SCAI: variants seen among roughly 807,000 people sequenced by gnomAD.
The protein encoded by SCAI is suppressor of cancer cell invasion, also known as protein SCAI.
SCAI carries 24 observed loss-of-function variants against 92.2 expected under a neutral mutation model. The ratio of observed to expected loss-of-function variants is 0.26; its 90% CI spans 0.19 to 0.37. SCAI has a LOEUF of 0.37. Among genes scored for constraint, SCAI ranks in the 10% least tolerant of loss-of-function variants. The pLI is 1.00. For missense variants in SCAI, 450 were observed against 736.2 expected (o/e 0.61, Z 4.50); for synonymous variants, 261 against 258.6 (o/e 1.01, Z -0.09).
intron 17 of SCAI, among the ~76,000 whole-genome samples, chr9:124,960,013 T>C (rs1157154685): frequency 6.6e-6 from 1 of 152,196 alleles, no homozygotes; most frequent in Non-Finnish European, 1.5e-5. Flanking sequence ...CATGTGTCTT[T>C]ATAGCAGCAT....
intron 9 of SCAI, 122 bp from the exon 10 acceptor site, chr9:125,003,692 T>C (rs1157975415): frequency 1.9e-5 from 12 of 638,684 alleles, no homozygotes; most frequent in Non-Finnish European, 3.3e-5. Flanking sequence ...TACCTTTTTC[T>C]CTAATATTTC....
At chr9:125,030,036 T>G (rs1354159317) in intron 3 of SCAI, among the ~76,000 whole-genome samples, 1 of 152,210 alleles carries the variant, frequency 6.6e-6, no homozygotes, top group African/African-American at 2.4e-5. Flanking sequence ...TCACACTCAC[T>G]TATATACTGA....
intron 3 of SCAI, among the ~76,000 whole-genome samples, chr9:125,042,122 A>G (rs1833327532): frequency 6.6e-6 from 1 of 152,206 alleles, no homozygotes; most frequent in East Asian, 1.9e-4. Flanking sequence ...TTACCCCATA[A>G]TTTAAGTGAC....
intron 2 of SCAI, among the ~76,000 whole-genome samples, chr9:125,086,695 A>G (rs923685008): frequency 6.6e-6 from 1 of 152,220 alleles, no homozygotes; most frequent in African/African-American, 2.4e-5. Context: ...GCAGACAGAT[A>G]TATTTGGGAC....
In SCAI at chr9:125,038,609, C is replaced by G. The variant is rs143390875; in HGVS notation, c.231-8870G>C. The stretch of plus-strand genomic sequence containing the variant: ...CTTTACTTTTTCCATTACAACTTTT[C>G]TGAATTCTCCATCAAAAATATTGGT... On this transcript the variant is annotated intron_variant, in intron 3 of 17. Transcript: ENST00000336505. Among the ~76,000 whole-genome samples the G allele has an allele frequency of 8.1e-4, 123 of 152,316 alleles. No individual in the cohort carries two copies. The East Asian group carries it at 0.014, about 18-fold the overall frequency.
At chr9:124,958,007 C>T (rs947997571) in intron 17 of SCAI, among the ~76,000 whole-genome samples, 28 of 152,216 alleles carry the variant, frequency 1.8e-4, no homozygotes, top group African/African-American at 6.3e-4. Context: ...TTAAAGCATA[C>T]TGGAACATAA....
At chr9:124,965,064 A>T (rs1442433416) in intron 17 of SCAI, among the ~76,000 whole-genome samples, 1 of 151,030 alleles carries the variant, frequency 6.6e-6, no homozygotes, top group Non-Finnish European at 1.5e-5. Context: ...CTTGGTTGGC[A>T]GAAGCTGCTT....
At chr9:125,135,408 T>G (rs767899292) in intron 2 of SCAI, among the ~76,000 whole-genome samples, 1 of 152,198 alleles carries the variant, frequency 6.6e-6, no homozygotes, top group Non-Finnish European at 1.5e-5. Flanking sequence ...TCCCAGCACT[T>G]TGGGAGGCCA....
intron 6 of SCAI, among the ~76,000 whole-genome samples, chr9:125,025,516 TTA>T (rs1436797438): frequency 6.6e-6 from 1 of 152,238 alleles, no homozygotes; most frequent in Admixed American, 6.5e-5. Context: ...CGATAAAATG[TTA>T]TACAGCTCTT....
At chr9:125,103,415 T>G (rs1051315536) in intron 2 of SCAI, among the ~76,000 whole-genome samples, 2 of 152,144 alleles carry the variant, frequency 1.3e-5, no homozygotes, top group Non-Finnish European at 2.9e-5. Flanking sequence ...AATTAAGATT[T>G]TTAATAGTGA....
intron 2 of SCAI, among the ~76,000 whole-genome samples, chr9:125,085,317 T>C (rs1355792148): frequency 6.6e-6 from 1 of 151,800 alleles, no homozygotes; most frequent in Non-Finnish European, 1.5e-5. Flanking sequence ...TGAAACCCCA[T>C]CTCAACTAAA....
At chr9:124,992,668 G>A (rs1366831442) in intron 14 of SCAI, among the ~76,000 whole-genome samples, 1 of 152,166 alleles carries the variant, frequency 6.6e-6, no homozygotes, top group Non-Finnish European at 1.5e-5. Flanking sequence ...ACAGGCATGA[G>A]CCACTGCACG....
At chr9:125,099,537 C>T (rs537525315) in intron 2 of SCAI, among the ~76,000 whole-genome samples, 6 of 152,332 alleles carry the variant, frequency 3.9e-5, no homozygotes, top group African/African-American at 1.2e-4. Context: ...CCGCCTCAGC[C>T]TCCCAAAGTG....
intron 3 of SCAI, among the ~76,000 whole-genome samples, chr9:125,055,138 T>C (rs910213359): frequency 2.0e-5 from 3 of 152,210 alleles, no homozygotes; most frequent in African/African-American, 4.8e-5. Flanking sequence ...AAAGATTTCA[T>C]TTTTATCCAT....
chr9:124,986,480 A>G (rs1451327746), intron 14 of SCAI, among the ~76,000 whole-genome samples: 5 of 152,242 alleles, frequency 3.3e-5, no homozygotes, highest in Admixed American at 3.3e-4. Flanking sequence ...TCTCAACCAA[A>G]GAAACAAAAT....
intron 3 of SCAI, among the ~76,000 whole-genome samples, chr9:125,050,410 T>C (rs1833537398): frequency 6.6e-6 from 1 of 152,056 alleles, no homozygotes; most frequent in Admixed American, 6.5e-5. Context: ...TTAACAAAAC[T>C]CAAAGATCTT....
chr9:125,011,883 T>G (rs1293646148), intron 9 of SCAI, among the ~76,000 whole-genome samples: 1 of 152,184 alleles, frequency 6.6e-6, no homozygotes, highest in Non-Finnish European at 1.5e-5. Context: ...TATTCAACAT[T>G]CTTAAAGAAA....
At chr9:125,099,288 C>CT (rs1016275871) in intron 2 of SCAI, among the ~76,000 whole-genome samples, 196 of 143,602 alleles carry the variant, frequency 1.4e-3, no homozygotes, top group South Asian at 2.7e-3. Context: ...CACTTTTTAT[C>CT]TTTTTTTTTT....
At chr9:124,957,356 A>T (rs1490435072) in intron 17 of SCAI, among the ~76,000 whole-genome samples, 5 of 152,040 alleles carry the variant, frequency 3.3e-5, no homozygotes, top group Non-Finnish European at 7.4e-5. Flanking sequence ...AAAATGAAAT[A>T]AAAATAATTC....
Sources: gnomAD v4.1 joint callset for allele counts (sites outside exome capture counted in the v4.1 genomes callset) on GRCh38, gnomAD v4.1.1 for gene constraint, MANE v1.5 for transcripts, NCBI Gene and HGNC (gene_info 2026-07-23, HGNC 2026-07-21) for gene names.